ZNF44: variants seen among roughly 807,000 people sequenced by gnomAD.
ZNF44 encodes zinc finger protein 44.
ZNF44 carries 9 observed loss-of-function variants against 11.7 expected under a neutral mutation model. The observed-to-expected ratio is 0.77, with a 90% confidence interval of 0.46 to 1.35. The LOEUF (loss-of-function observed/expected upper bound fraction) is 1.35. ZNF44 is among the 40% of genes most tolerant of loss of function. ZNF44 has a pLI of 0.00. For missense variants in ZNF44, 696 were observed against 743.1 expected (o/e 0.94, Z 0.74); for synonymous variants, 224 against 242.7 (o/e 0.92, Z 0.72).
intron 1 of ZNF44, among the ~76,000 whole-genome samples, chr19:12,279,921 TTGTGTGTG>T (rs60414721): frequency 2.8e-4 from 40 of 144,062 alleles, no homozygotes; most frequent in African/African-American, 9.0e-4. Context: ...GAAATTCAGA[TTGTGTGTG>T]TGTGTGTGTG....
downstream of ZNF44, among the ~76,000 whole-genome samples, chr19:12,269,818 G>GTA (rs147389493): frequency 1.7e-3 from 253 of 151,678 alleles, 1 homozygote; most frequent in African/African-American, 5.4e-3. Flanking sequence ...CACCAAAGTT[G>GTA]TATATATATA....
intron 3 of ZNF44, among the ~76,000 whole-genome samples, chr19:12,228,201 T>C (rs1350747341): frequency 6.6e-6 from 1 of 151,836 alleles, no homozygotes; most frequent in African/African-American, 2.4e-5. Context: ...TTCAAAACAA[T>C]TGTTTAACTT....
chr19:12,273,051 A>C lies in ZNF44; in HGVS notation c.1204T>G (p.Phe402Val). The C allele has an allele frequency of 6.2e-7, 1 of 1,613,858 alleles. No homozygotes were observed. The highest frequency in any genetic ancestry group is 8.5e-7 in the Non-Finnish European group (1 of 1,179,954). The change falls in exon 4 of 4, where the codon TTT becomes GTT. Residue 402 changes from phenylalanine (F) to valine (V), a missense_variant. Transcript: ENST00000355684. Reference sequence around the variant, plus strand: ...CTTTGAAATACACTAGGAGAATCAAAGGCTTTCCCACATACTGTGCATTTA... The same window carrying C: ...CTTTGAAATACACTAGGAGAATCAACGGCTTTCCCACATACTGTGCATTTA... Reference protein sequence around the residue: ...PHKCTVCGKAFDSPSVFQRHE... With the variant: ...PHKCTVCGKAVDSPSVFQRHE...
At chr19:12,237,262 G>A (rs570942245) in intron 1 of ZNF44, 314 of 152,488 alleles carry the variant, frequency 2.1e-3, no homozygotes, top group Middle Eastern at 3.4e-3. Flanking sequence ...CAGTTGCTGC[G>A]CAGGGACGGC....
intron 1 of ZNF44, among the ~76,000 whole-genome samples, chr19:12,283,791 G>T (rs1967594505): frequency 6.6e-6 from 1 of 152,160 alleles, no homozygotes; most frequent in Non-Finnish European, 1.5e-5. Context: ...AAGGCAAGAG[G>T]AACTCTTGAG....
At chr19:12,238,249 G>A (rs1222293074), upstream of ZNF44, 5 of 152,352 alleles carry the variant, frequency 3.3e-5, no homozygotes, top group East Asian at 9.7e-4. Flanking sequence ...CAGCACTTTG[G>A]GAGGCCAAGG....
chr19:12,260,518 G>A (rs985728187), intron 5 of ZNF44: 27 of 1,125,314 alleles, frequency 2.4e-5, no homozygotes, highest in African/African-American at 1.1e-4. Flanking sequence ...AAGCGGACCC[G>A]CGCCACCAAG....
rs1434764699 is a variant in ZNF44 at position 12,273,123 on chromosome 19, A to G, written c.1132T>C (p.Ser378Pro). The change falls in exon 4 of 4, where the codon TCA (serine) becomes CCA (proline). Residue 378 changes from serine (S) to proline (P), a missense_variant. Coordinates refer to ENST00000355684, the MANE Select transcript of ZNF44 (RefSeq NM_016264.4). ...KQCGKLLSHR[S>P]SFRRHMMAHT... Reference sequence around the variant, plus strand: ...GCCATCATGTGTCTTCGAAAGCTTGAGCGATGAGATAACAATTTCCCACAT... The same window carrying G: ...GCCATCATGTGTCTTCGAAAGCTTGGGCGATGAGATAACAATTTCCCACAT... 2 of 1,613,576 alleles carry G rather than the reference A, an allele frequency of 1.2e-6. No individual in the cohort carries two copies. The highest frequency in any genetic ancestry group is 2.7e-5 in the African/African-American group (2 of 74,828).
At chr19:12,247,244 T>C (rs1256511545), downstream of ZNF44, 7 of 1,158,440 alleles carry the variant, frequency 6.0e-6, no homozygotes, top group African/African-American at 3.2e-5. Context: ...ATCGTTAAAA[T>C]TGAAAAACTT....
At chr19:12,226,374 C>T (rs1342384789) in exon 4 of ZNF44, 1 of 152,328 alleles carries the variant, frequency 6.6e-6, no homozygotes, top group East Asian at 1.9e-4. Flanking sequence ...TTACTTACCA[C>T]AGATCGGAAA....
At chr19:12,247,914 C>T (rs752520169) in exon 8 of ZNF44, 1 of 1,340,836 alleles carries the variant, frequency 7.5e-7, no homozygotes, top group Non-Finnish European at 9.9e-7. Context: ...ACAGTGGTAA[C>T]TGAAGGCTTT....
chr19:12,270,547 G>A (rs1966916777), downstream of ZNF44, among the ~76,000 whole-genome samples: 1 of 151,882 alleles, frequency 6.6e-6, no homozygotes, highest in Admixed American at 6.6e-5. Context: ...TGCCTCCTGG[G>A]TTCAAGTGAT....
At chr19:12,260,148 T>C in intron 5 of ZNF44, 1 of 750,204 alleles carries the variant, frequency 1.3e-6, no homozygotes, top group South Asian at 1.4e-5. Context: ...CTGCAATGGA[T>C]GGTCGTGCAG....
At chr19:12,237,214 G>C (rs1916425397) in intron 1 of ZNF44, 1 of 152,336 alleles carries the variant, frequency 6.6e-6, no homozygotes, top group Non-Finnish European at 1.5e-5. Flanking sequence ...GCGGGGCCGC[G>C]GGCACTGCGC....
In ZNF44 at chr19:12,248,410, G is replaced by C. The variant is rs994837163; in HGVS notation, c.*455C>G. ...GTTCTTTTATGTTTTTTAAAAGACT[G>C]CAGATAACTGAAGGGTTTCCCACAT... On this transcript the variant is annotated 3_prime_UTR_variant and NMD_transcript_variant, in exon 8 of 8. Coordinates refer to the ZNF44 transcript ENST00000393337. The C allele has an allele frequency of 1.0e-5, 13 of 1,290,858 alleles. No individual in the cohort carries two copies. The African/African-American group carries it at 2.0e-4, about 20-fold the overall frequency. The allele number at this position is 1,290,858 out of a possible 1,614,324, so 80.0% of individuals were successfully genotyped here.
intron 1 of ZNF44, among the ~76,000 whole-genome samples, chr19:12,289,859 C>T (rs1342839963): frequency 3.3e-5 from 5 of 151,868 alleles, no homozygotes; most frequent in South Asian, 4.2e-4. Context: ...TCACGATCTC[C>T]GGACCTTGCA....
intron 1 of ZNF44, among the ~76,000 whole-genome samples, chr19:12,281,235 C>T (rs781379496): frequency 2.0e-5 from 3 of 151,946 alleles, no homozygotes; most frequent in South Asian, 2.1e-4. Context: ...TTAAAGTATG[C>T]GATCAAATCA....
intron 1 of ZNF44, chr19:12,285,011 C>A: frequency 1.4e-6 from 1 of 706,080 alleles, no homozygotes; most frequent in Non-Finnish European, 2.5e-6. Context: ...TGGGCAACTT[C>A]GCCAAGGCCA....
chr19:12,266,936 G>A (rs1599518864), downstream of ZNF44, among the ~76,000 whole-genome samples: 1 of 152,182 alleles, frequency 6.6e-6, no homozygotes, highest in East Asian at 1.9e-4. Context: ...ACATGGGAGA[G>A]GGCTTGATGT....
Sources: gnomAD v4.1 joint callset for allele counts (sites outside exome capture counted in the v4.1 genomes callset) on GRCh38, gnomAD v4.1.1 for gene constraint, MANE v1.5 for transcripts, NCBI Gene and HGNC (gene_info 2026-07-23, HGNC 2026-07-21) for gene names.